PLXDC2: variants seen among roughly 807,000 people sequenced by gnomAD.
PLXDC2 encodes plexin domain-containing protein 2.
Under a neutral mutation model 68.9 loss-of-function variants are expected in PLXDC2, and 40 were observed. That is an observed-to-expected ratio of 0.58 (90% CI 0.45 to 0.76). The LOEUF (loss-of-function observed/expected upper bound fraction) is 0.76. Ranked by LOEUF, PLXDC2 falls within the 30% of genes least tolerant of loss-of-function variation. PLXDC2 has a pLI of 0.00. For missense variants in PLXDC2, 644 were observed against 661.9 expected (o/e 0.97, Z 0.30); for synonymous variants, 243 against 234.2 (o/e 1.04, Z -0.34).
At chr10:19,903,953 A>C (rs1313058694) in intron 1 of PLXDC2, among the ~76,000 whole-genome samples, 1 of 152,166 alleles carries the variant, frequency 6.6e-6, no homozygotes, top group Non-Finnish European at 1.5e-5. Flanking sequence ...ATGATCATTC[A>C]GGATCAGTTT....
intron 4 of PLXDC2, among the ~76,000 whole-genome samples, chr10:20,085,352 T>TC (rs1833177473): frequency 6.6e-6 from 1 of 152,176 alleles, no homozygotes; most frequent in Non-Finnish European, 1.5e-5. Context: ...GGAGTGTTTC[T>TC]CTAAAATGTC....
intron 1 of PLXDC2, among the ~76,000 whole-genome samples, chr10:19,887,011 A>G (rs181943697): frequency 1.2e-3 from 178 of 152,304 alleles, no homozygotes; most frequent in African/African-American, 4.0e-3. Context: ...TATTATTATG[A>G]AAAGAGTTTT....
intron 2 of PLXDC2, among the ~76,000 whole-genome samples, chr10:20,034,114 T>A (rs1347082238): frequency 6.6e-6 from 1 of 152,138 alleles, no homozygotes; most frequent in Non-Finnish European, 1.5e-5. Flanking sequence ...CTATACATTG[T>A]TTTACCATTT....
chr10:19,861,009 A>AT lies in PLXDC2; in HGVS notation c.112+43832dup, dbSNP rs11348327. Among the ~76,000 whole-genome samples the AT allele has an allele frequency of 1.0e-3, 146 of 143,560 alleles. 1 individual carries two copies. Among genetic ancestry groups the AT allele is most frequent in the Admixed American group, 2.6e-3 (37 of 14,464 alleles). The allele number at this position is 143,560 out of a possible 152,430, so 94.2% of individuals were successfully genotyped here. A position where few individuals can be genotyped will look rare whatever the true frequency, so the allele number is the denominator to read the frequency against. Reference sequence around the variant, plus strand: ...GACTCTTGTATTGCTTTGCTGGGTGATTTTTTTTTTTTTTCTTTTTACTTT... The same window carrying AT: ...GACTCTTGTATTGCTTTGCTGGGTGATTTTTTTTTTTTTTTCTTTTTACTTT... On this transcript the variant is annotated intron_variant, in intron 1 of 13. Transcript: ENST00000377252.
chr10:20,186,568 C>T (rs1834686083), intron 9 of PLXDC2, among the ~76,000 whole-genome samples: 2 of 151,910 alleles, frequency 1.3e-5, no homozygotes, highest in Non-Finnish European at 2.9e-5. Context: ...CATCCTCCCA[C>T]CCTCCGCCCT....
chr10:20,143,235 T>G, intron 4 of PLXDC2, 60 bp from the exon 5 acceptor site: 1 of 1,521,240 alleles, frequency 6.6e-7, no homozygotes, highest in South Asian at 1.2e-5. Flanking sequence ...GGAAGTATTT[T>G]AATCATAATT....
At chr10:19,959,822 C>A (rs1219328073) in intron 1 of PLXDC2, among the ~76,000 whole-genome samples, 1 of 152,128 alleles carries the variant, frequency 6.6e-6, no homozygotes, top group East Asian at 1.9e-4. Flanking sequence ...AACACTTTCA[C>A]CCCCAATTCT....
At chr10:19,886,653 C>T (rs1013007475) in intron 1 of PLXDC2, among the ~76,000 whole-genome samples, 4 of 152,138 alleles carry the variant, frequency 2.6e-5, no homozygotes, top group African/African-American at 9.7e-5. Context: ...CTATGACAAA[C>T]CCACAGCCAA....
chr10:20,104,885 T>C (rs1292574660), intron 4 of PLXDC2, among the ~76,000 whole-genome samples: 1 of 151,814 alleles, frequency 6.6e-6, no homozygotes, highest in Admixed American at 6.6e-5. Flanking sequence ...ACTCTGTCTC[T>C]ACTAAAAATA....
At chr10:20,252,304 A>G (rs1401487978) in intron 13 of PLXDC2, among the ~76,000 whole-genome samples, 2 of 152,226 alleles carry the variant, frequency 1.3e-5, no homozygotes, top group Non-Finnish European at 2.9e-5. Context: ...TTGAAATCTG[A>G]GTACAAAAAA....
In PLXDC2 at chr10:19,823,246, A is replaced by G. The variant is rs529425836; in HGVS notation, c.112+6055A>G. On this transcript the variant is annotated intron_variant, in intron 1 of 13. Coordinates refer to ENST00000377252, the MANE Select transcript of PLXDC2 (RefSeq NM_032812.9). ...ATATGATATACATATATATGTACAT[A>G]TGCATACATATATGGTGGTGGTGGT... 3.3e-5 allele frequency among the ~76,000 whole-genome samples: 5 copies of G among 152,282 alleles called. No individual in the cohort carries two copies. In the East Asian group the frequency reaches 5.8e-4, roughly 18 times the overall value.
At chr10:19,969,234 TTC>T (rs1306721669) in intron 1 of PLXDC2, among the ~76,000 whole-genome samples, 1 of 152,216 alleles carries the variant, frequency 6.6e-6, no homozygotes, top group Non-Finnish European at 1.5e-5. Context: ...CTGTTGCATT[TTC>T]TCTCGTTCCT....
intron 1 of PLXDC2, among the ~76,000 whole-genome samples, chr10:19,943,722 C>A (rs1347624617): frequency 3.9e-5 from 6 of 152,130 alleles, no homozygotes; most frequent in Admixed American, 3.9e-4. Flanking sequence ...GAAGTAGGAA[C>A]AGCCTTCTAA....
chr10:20,163,679 G>T (rs143958732), intron 6 of PLXDC2, among the ~76,000 whole-genome samples: 3 of 152,100 alleles, frequency 2.0e-5, no homozygotes, highest in African/African-American at 7.2e-5. Flanking sequence ...ATAATAAAGA[G>T]AGTAATCATA....
chr10:20,140,848 G>GT (rs1227857138), intron 4 of PLXDC2, among the ~76,000 whole-genome samples: 1 of 151,654 alleles, frequency 6.6e-6, no homozygotes, highest in African/African-American at 2.4e-5. Flanking sequence ...GAGTAGTAGG[G>GT]TTTTTTTCCT....
At chr10:20,040,336 G>A (rs1835661885) in intron 2 of PLXDC2, among the ~76,000 whole-genome samples, 1 of 151,994 alleles carries the variant, frequency 6.6e-6, no homozygotes, top group Admixed American at 6.6e-5. Context: ...GAGATTTTTG[G>A]TGTCCTTGGC....
intron 1 of PLXDC2, among the ~76,000 whole-genome samples, chr10:19,978,404 A>C (rs2131617746): frequency 6.6e-6 from 1 of 152,178 alleles, no homozygotes; most frequent in Non-Finnish European, 1.5e-5. Flanking sequence ...TGTTTATAAA[A>C]CCCTGAGCTC....
intron 1 of PLXDC2, among the ~76,000 whole-genome samples, chr10:19,879,516 T>G (rs559584564): frequency 1.1e-4 from 16 of 152,322 alleles, no homozygotes; most frequent in African/African-American, 3.8e-4. Context: ...CTTTGCCAAG[T>G]GCTTGTATTT....
chr10:20,231,664 T>C (rs1325188424), intron 12 of PLXDC2, among the ~76,000 whole-genome samples: 1 of 151,882 alleles, frequency 6.6e-6, no homozygotes, highest in East Asian at 1.9e-4. Context: ...TTTGAAAATT[T>C]TAATAAATTT....
Sources: allele counts gnomAD v4.1 joint callset (sites outside exome capture counted in the v4.1 genomes callset), GRCh38; gene constraint gnomAD v4.1.1; transcripts MANE v1.5; gene names NCBI Gene and HGNC (gene_info 2026-07-23, HGNC 2026-07-21).